EVL: variants seen among roughly 807,000 people sequenced by gnomAD.
EVL encodes ena/VASP-like protein.
EVL carries 21 observed loss-of-function variants against 59.6 expected under a neutral mutation model. The observed-to-expected ratio is 0.35, with a 90% CI of 0.25 to 0.51. The LOEUF (loss-of-function observed/expected upper bound fraction) is 0.51, where lower values mean the gene tolerates loss of function less well. Among genes scored for constraint, EVL ranks in the 20% least tolerant of loss-of-function variants. The pLI is 0.97. For missense variants in EVL, 462 were observed against 546.6 expected (o/e 0.85, Z 1.54); for synonymous variants, 198 against 203.5 (o/e 0.97, Z 0.23).
At chr14:100,053,650 G>A (rs554600224) in intron 1 of EVL, among the ~76,000 whole-genome samples, 1 of 152,284 alleles carries the variant, frequency 6.6e-6, no homozygotes, top group Non-Finnish European at 1.5e-5. Context: ...TTGTTTTAAT[G>A]TGAATGTACT....
At chr14:100,112,606 G>A (rs1887075416) in intron 3 of EVL, among the ~76,000 whole-genome samples, 3 of 152,170 alleles carry the variant, frequency 2.0e-5, no homozygotes, top group Admixed American at 1.3e-4. Flanking sequence ...GATGTGCCAA[G>A]CATGCTCCTA....
chr14:100,068,681 A>G (rs542335205), intron 1 of EVL, among the ~76,000 whole-genome samples: 1 of 152,290 alleles, frequency 6.6e-6, no homozygotes, highest in East Asian at 1.9e-4. Flanking sequence ...TATCTGGTGG[A>G]TCACACATGG....
At chr14:99,985,636 G>A (rs534977832) in intron 1 of EVL, among the ~76,000 whole-genome samples, 1 of 152,182 alleles carries the variant, frequency 6.6e-6, no homozygotes, top group African/African-American at 2.4e-5. Context: ...GTGTGGTGGT[G>A]CATGCCTGTA....
intron 2 of EVL, among the ~76,000 whole-genome samples, chr14:100,089,882 A>G (rs536312803): frequency 6.6e-6 from 1 of 152,214 alleles, no homozygotes; most frequent in Admixed American, 6.5e-5. Context: ...GCAGTGAGCC[A>G]TGGTGGTACT....
intron 3 of EVL, among the ~76,000 whole-genome samples, chr14:100,119,847 C>T (rs535884250): frequency 3.3e-5 from 5 of 152,296 alleles, no homozygotes; most frequent in East Asian, 3.9e-4. Context: ...GCCAGGTCCT[C>T]TCGTGCCCAC....
chr14:100,075,702 G>A (rs1285223622), intron 1 of EVL, among the ~76,000 whole-genome samples: 3 of 152,152 alleles, frequency 2.0e-5, no homozygotes, highest in Non-Finnish European at 4.4e-5. Context: ...CTGTCCTGAC[G>A]GCTTGAAAGT....
intron 3 of EVL, among the ~76,000 whole-genome samples, chr14:100,116,374 T>A (rs912820700): frequency 2.7e-4 from 41 of 152,182 alleles, no homozygotes; most frequent in Admixed American, 2.7e-3. Flanking sequence ...AAGTGCTGGA[T>A]CCTTTGTCTC....
At chr14:100,049,369 A>T (rs1276840063) in intron 1 of EVL, among the ~76,000 whole-genome samples, 1 of 152,224 alleles carries the variant, frequency 6.6e-6, no homozygotes, top group East Asian at 1.9e-4. Context: ...CAAAGAGCAC[A>T]TGTACTGCAA....
chr14:100,098,060 C>T (rs192345165), intron 3 of EVL, among the ~76,000 whole-genome samples: 22 of 152,260 alleles, frequency 1.4e-4, no homozygotes, highest in African/African-American at 4.3e-4. Flanking sequence ...TTACTGAGGG[C>T]AAGAAACCGT....
intron 1 of EVL, among the ~76,000 whole-genome samples, chr14:100,022,282 T>G (rs574169747): frequency 1.8e-4 from 27 of 150,606 alleles, no homozygotes; most frequent in African/African-American, 5.6e-4. Flanking sequence ...TGGTTTGTTT[T>G]TTTTTTTTTT....
chr14:100,043,222 T>C lies in EVL; in HGVS notation c.6-41465T>C, dbSNP rs111722173. On this transcript the variant is annotated intron_variant, in intron 1 of 13. Coordinates refer to the EVL transcript ENST00000402714. ...AGGGAGTACCAATAGGAGATAGATA[T>C]ATATATATGTATGTGTGTGTGTGTA... is the stretch of plus-strand genomic sequence containing the variant. Among the ~76,000 whole-genome samples, 7 of 152,004 alleles carry C rather than the reference T, an allele frequency of 4.6e-5. No individual in the cohort carries two copies. In the South Asian group the frequency reaches 1.5e-3, roughly 32 times the overall value.
At chr14:100,089,218 T>C (rs2062512039) in intron 2 of EVL, among the ~76,000 whole-genome samples, 1 of 152,220 alleles carries the variant, frequency 6.6e-6, no homozygotes, top group Non-Finnish European at 1.5e-5. Flanking sequence ...TCCAAGCTAC[T>C]AATTGAATAA....
chr14:100,128,709 C>T lies in EVL; in HGVS notation c.678C>T (p.Ala226=), dbSNP rs771053611. Residue 226 remains alanine (A), a synonymous_variant, in exon 6 of 14, where the codon GCC becomes GCT. Transcript: ENST00000392920. ...SHDESSMSGL[A]AAIAGAKLRR... is the part of the protein sequence containing the mutation. ...ACGAGAGCTCCATGTCAGGACTGGC[C>T]GCTGCCATAGCTGGGGCCAAGCTGA... 2.0e-5 allele frequency: 32 copies of T among 1,607,012 alleles called. No homozygotes were observed. Among genetic ancestry groups the T allele is most frequent in the Middle Eastern group, 1.6e-4 (1 of 6,074 alleles).
At chr14:100,141,454 A>C (rs1595263541) in intron 12 of EVL, among the ~76,000 whole-genome samples, 1 of 152,102 alleles carries the variant, frequency 6.6e-6, no homozygotes, top group Non-Finnish European at 1.5e-5. Flanking sequence ...ATGTCCCTCA[A>C]CCTTTCTGGG....
At chr14:100,001,649 TA>T (rs1306242934) in intron 1 of EVL, among the ~76,000 whole-genome samples, 11 of 152,188 alleles carry the variant, frequency 7.2e-5, no homozygotes, top group African/African-American at 2.4e-4. Flanking sequence ...TACCATCAAA[TA>T]ACTATGAGTC....
chr14:100,094,744 A>C (rs1885683082), intron 2 of EVL, among the ~76,000 whole-genome samples: 2 of 151,172 alleles, frequency 1.3e-5, no homozygotes, highest in Non-Finnish European at 2.9e-5. Context: ...ACTCCATCTT[A>C]AAAAACCATA....
At chr14:99,977,669 C>T (rs567755738) in intron 1 of EVL, among the ~76,000 whole-genome samples, 35 of 152,144 alleles carry the variant, frequency 2.3e-4, no homozygotes, top group Non-Finnish European at 3.4e-4. Context: ...CTCCTGACCT[C>T]GTGATTCGCC....
rs987739836 is a variant in EVL, at chr14:100,096,036, G to GT, written c.181-1438dup. Among the ~76,000 whole-genome samples, 95 of 152,150 alleles carry GT rather than the reference G, an allele frequency of 6.2e-4. 4 individuals are homozygous for GT. The highest frequency in any genetic ancestry group is 1.9e-4 in the East Asian group (1 of 5,172). On this transcript the variant is annotated intron_variant, in intron 2 of 13. Transcript: ENST00000392920. Reference sequence around the variant, plus strand: ...AGCCACCATGCCCAGCTTCAATTACGTTTTTTTAGCTGATTTAGTGTACTG... The same window carrying GT: ...AGCCACCATGCCCAGCTTCAATTACGTTTTTTTTAGCTGATTTAGTGTACTG...
At chr14:100,115,773 A>T (rs1887303045) in intron 3 of EVL, among the ~76,000 whole-genome samples, 1 of 152,192 alleles carries the variant, frequency 6.6e-6, no homozygotes, top group Non-Finnish European at 1.5e-5. Context: ...AAAGACTAGA[A>T]AATTCACGCC....
Sources: allele counts gnomAD v4.1 joint callset (sites outside exome capture counted in the v4.1 genomes callset), GRCh38; gene constraint gnomAD v4.1.1; transcripts MANE v1.5; gene names NCBI Gene and HGNC (gene_info 2026-07-23, HGNC 2026-07-21).